COL9A1: variants seen among roughly 807,000 people sequenced by gnomAD.
COL9A1 encodes the protein collagen alpha-1(IX) chain.
A neutral mutation model predicts 142.6 loss-of-function variants in COL9A1; 104 were observed. The observed-to-expected ratio is 0.73, with a 90% CI of 0.62 to 0.86. COL9A1 has a LOEUF of 0.86. COL9A1 is among the 40% of genes least tolerant of loss of function. COL9A1 has a pLI of 0.00. For missense variants in COL9A1, 1,210 were observed against 1,176.6 expected (o/e 1.03, Z -0.42); for synonymous variants, 466 against 396.0 (o/e 1.18, Z -2.10).
At chr6:70,232,184 AATAT>A (rs1769591582) in intron 36 of COL9A1, among the ~76,000 whole-genome samples, 1 of 152,244 alleles carries the variant, frequency 6.6e-6, no homozygotes, top group Non-Finnish European at 1.5e-5. Context: ...AACAAATACA[AATAT>A]CCTAAGGATG....
At chr6:70,264,094 A>G (rs1169929185) in intron 18 of COL9A1, among the ~76,000 whole-genome samples, 1 of 152,036 alleles carries the variant, frequency 6.6e-6, no homozygotes. Context: ...CTACCGATCT[A>G]CTATATGATG....
At position 70,216,537 on chromosome 6, in the gene COL9A1, C is replaced by T. The variant is rs565189871; in HGVS notation, c.*360G>A. ...ACTACTGCAACTGAGGTAAACCAAA[C>T]AGTTGTTTTTGTTTATTGGCACAGT... On this transcript the variant is annotated 3_prime_UTR_variant, in exon 38 of 38. Coordinates refer to ENST00000357250, the MANE Select transcript of COL9A1 (RefSeq NM_001851.6). 1.5e-4 allele frequency: 36 copies of T among 241,472 alleles called. No individual in the cohort carries two copies. Among genetic ancestry groups the T allele is most frequent in the Admixed American group, 7.1e-4 (14 of 19,696 alleles). 15.0% of individuals were successfully genotyped at this position (241,472 alleles called of 1,614,324 possible). A position where few individuals can be genotyped will look rare whatever the true frequency, so the allele number is the denominator to read the frequency against.
rs1336291242 is a variant in COL9A1, at chr6:70,217,035, C to T, written c.2628G>A (p.Glu876=). ...ASYGRNGRDG[E]RGPPGVAGIP... ...TTCCTGCCACCCCTGGGGGGCCTCG[C>T]TCACCGTCTCGGCCATTTCTGCCAT... The change falls in exon 38 of 38, where the codon GAG becomes GAA. Residue 876 remains glutamate, a synonymous_variant. Coordinates refer to ENST00000357250, the MANE Select transcript of COL9A1 (RefSeq NM_001851.6). 1.2e-6 allele frequency: 2 copies of T among 1,614,176 alleles called. No homozygotes were observed. Among genetic ancestry groups the T allele is most frequent in the South Asian group, 2.2e-5 (2 of 91,086 alleles).
At chr6:70,253,220 A>C in intron 26 of COL9A1, 165 bp downstream of exon 26, 1 of 538,196 alleles carries the variant, frequency 1.9e-6, no homozygotes. Context: ...TTCTGTAGCT[A>C]GGAAAAAGAT....
Position 70,234,901 on chromosome 6 carries a change from C to T in COL9A1, c.2152G>A (p.Gly718Arg). The change falls in exon 34 of 38, where the codon GGA becomes AGA. Residue 718 changes from glycine to arginine, a missense_variant. Gly to Arg is a moderately radical substitution (Grantham distance 125). Transcript: ENST00000357250. ...TCCACTCCAGGAAGCCCCCGACTTCCCTCAGGCCCTCTCAAGCCAGGTTCC... is the reference window on the plus strand; with the variant it reads ...TCCACTCCAGGAAGCCCCCGACTTCTCTCAGGCCCTCTCAAGCCAGGTTCC... ...PGEPGLRGPE[G>R]SRGLPGVEGP... is the part of the protein sequence containing the mutation. 1 of 1,614,162 alleles carries T rather than the reference C, an allele frequency of 6.2e-7. No individual in the cohort carries two copies.
In COL9A1 at chr6:70,234,785, A is replaced by G; in HGVS notation, c.2259+9T>C. On this transcript the variant is annotated intron_variant, in intron 34 of 37. Transcript: ENST00000357250. Reference sequence around the variant, plus strand: ...CAAAGGGAAACCACAGAAGCTGCCCACCACTCACCGGAGGGCCCTGGACAC... The same window carrying G: ...CAAAGGGAAACCACAGAAGCTGCCCGCCACTCACCGGAGGGCCCTGGACAC... 2 of 1,614,058 alleles carry G rather than the reference A, an allele frequency of 1.2e-6. No homozygotes were observed. The highest frequency in any genetic ancestry group is 1.7e-4 in the Middle Eastern group (1 of 6,036).
At chr6:70,258,436 C>T (rs1245645032) in intron 20 of COL9A1, 1 of 152,168 alleles carries the variant, frequency 6.6e-6, no homozygotes, top group Admixed American at 6.6e-5. Context: ...ATAGAAGGTT[C>T]AGACATAGGT....
rs1359237203 is a variant in COL9A1, at chr6:70,303,082, G to C, written c.-158C>G. 1 of 788,716 alleles carries C rather than the reference G, an allele frequency of 1.3e-6. No homozygotes were observed. The highest frequency in any genetic ancestry group is 2.3e-6 in the Non-Finnish European group (1 of 441,036). The allele number at this position is 788,716 out of a possible 1,614,324, so 48.9% of individuals were successfully genotyped here. A position where few individuals can be genotyped will look rare whatever the true frequency, so the allele number is the denominator to read the frequency against. On this transcript the variant is annotated 5_prime_UTR_variant, in exon 1 of 38. Coordinates refer to ENST00000357250, the MANE Select transcript of COL9A1 (RefSeq NM_001851.6). ...GCCCCCGGTGAGGGCTAAAAGCAAA[G>C]GGAGAGAACCAGAGGCATCTCGTGA... is the stretch of plus-strand genomic sequence containing the variant.
At chr6:70,258,703 C>T (rs1050749449) in intron 20 of COL9A1, 2 of 152,188 alleles carry the variant, frequency 1.3e-5, no homozygotes, top group Non-Finnish European at 1.5e-5. Flanking sequence ...TAGACCCAAA[C>T]TGCTGTTACT....
intron 4 of COL9A1, 53 bp downstream of exon 4, chr6:70,299,990 T>C (rs753695864): frequency 2.2e-5 from 34 of 1,533,182 alleles, no homozygotes; most frequent in Non-Finnish European, 3.1e-5. Flanking sequence ...TAGCTATCCA[T>C]TTTTAATGCA....
At chr6:70,215,830 T>C (rs1768464213), downstream of COL9A1, 1 of 151,990 alleles carries the variant, frequency 6.6e-6, no homozygotes, top group African/African-American at 2.4e-5. Flanking sequence ...TATACAAAAA[T>C]ATAGATGCGC....
chr6:70,244,792 T>C (rs1770488043), intron 28 of COL9A1, among the ~76,000 whole-genome samples: 1 of 151,344 alleles, frequency 6.6e-6, no homozygotes, highest in Non-Finnish European at 1.5e-5. Flanking sequence ...AGATTTTCTC[T>C]GCTGGACTCT....
intron 36 of COL9A1, 122 bp from the exon 37 acceptor site, chr6:70,226,131 G>T: frequency 2.4e-6 from 2 of 819,118 alleles, no homozygotes; most frequent in Non-Finnish European, 4.0e-6. Context: ...CCATAAACTA[G>T]ATTGTAGTGA....
Position 70,300,186 on chromosome 6 carries a change from G to A in COL9A1, c.167-11C>T, listed in dbSNP as rs370460481. ...AGATCAGATCAAACCCTATAGAATG[G>A]GAATACAAAATGAAAAGTCTAAAAT... On this transcript the variant is annotated splice_polypyrimidine_tract_variant and intron_variant, in intron 3 of 37. Coordinates refer to ENST00000357250, the MANE Select transcript of COL9A1 (RefSeq NM_001851.6). The A allele has an allele frequency of 2.5e-5, 41 of 1,613,244 alleles. No homozygotes were observed. The Middle Eastern group carries it at 6.6e-4, about 26-fold the overall frequency.
chr6:70,233,655 T>C (rs1769700364), intron 35 of COL9A1, among the ~76,000 whole-genome samples: 1 of 152,250 alleles, frequency 6.6e-6, no homozygotes, highest in Non-Finnish European at 1.5e-5. Context: ...GGAATAATAA[T>C]TTTTTAGATA....
Position 70,261,443 on chromosome 6 carries a change from G to A in COL9A1, c.1396-733C>T, listed in dbSNP as rs139478144. ...AGTGAGCTTGGGAATACCCTTGGAA[G>A]CAGAGGAGGGTGGATGCTCCATTAG... On this transcript the variant is annotated intron_variant, in intron 19 of 37. Transcript: ENST00000357250. Among the ~76,000 whole-genome samples the A allele has an allele frequency of 4.2e-3, 646 of 152,318 alleles. 4 individuals carry two copies. Among genetic ancestry groups the A allele is most frequent in the African/African-American group, 0.015 (623 of 41,570 alleles).
intron 28 of COL9A1, among the ~76,000 whole-genome samples, chr6:70,247,276 C>T (rs1316365820): frequency 6.6e-6 from 1 of 152,198 alleles, no homozygotes. Flanking sequence ...TCCATAAATA[C>T]ATACAGCTAA....
intron 33 of COL9A1, 114 bp downstream of exon 33, chr6:70,239,138 CAA>C (rs34540808): frequency 3.1e-4 from 200 of 638,706 alleles, no homozygotes; most frequent in Non-Finnish European, 3.4e-4. Context: ...GACTCCATCT[CAA>C]AAAAAAAAAG....
chr6:70,223,139 T>A (rs1305726965), intron 37 of COL9A1, among the ~76,000 whole-genome samples: 1 of 152,102 alleles, frequency 6.6e-6, no homozygotes, highest in African/African-American at 2.4e-5. Flanking sequence ...AGAAGAGTAA[T>A]ATATTACTGC....
Sources: gnomAD v4.1 joint callset for allele counts (sites outside exome capture counted in the v4.1 genomes callset) on GRCh38, gnomAD v4.1.1 for gene constraint, MANE v1.5 for transcripts, NCBI Gene and HGNC (gene_info 2026-07-23, HGNC 2026-07-21) for gene names.